TAFA1: variants seen among roughly 807,000 people sequenced by gnomAD.
TAFA1 encodes the protein chemokine-like protein TAFA-1.
A neutral mutation model predicts 18.5 loss-of-function variants in TAFA1; 4 were observed. The observed-to-expected ratio is 0.22, with a 90% confidence interval of 0.11 to 0.49. The LOEUF (loss-of-function observed/expected upper bound fraction) is 0.49, where lower values mean the gene tolerates loss of function less well. TAFA1 is among the 20% of genes least tolerant of loss of function. TAFA1 has a pLI of 0.98. For synonymous variants in TAFA1, 56 were observed against 55.2 expected (o/e 1.01, Z -0.06); for missense variants, 147 against 169.0 (o/e 0.87, Z 0.72).
chr3:68,269,271 G>T (rs891456395), intron 2 of TAFA1, among the ~76,000 whole-genome samples: 1 of 150,480 alleles, frequency 6.6e-6, no homozygotes, highest in Non-Finnish European at 1.5e-5. Flanking sequence ...CTGAGCGACA[G>T]AGTGAGACCC....
At chr3:68,379,023 C>T (rs1479937168) in intron 2 of TAFA1, among the ~76,000 whole-genome samples, 1 of 152,128 alleles carries the variant, frequency 6.6e-6, no homozygotes, top group Non-Finnish European at 1.5e-5. Flanking sequence ...GAATAATACA[C>T]CCAGTAAAGA....
chr3:68,539,768 T>C (rs1027323302), intron 4 of TAFA1, among the ~76,000 whole-genome samples: 2 of 146,838 alleles, frequency 1.4e-5, no homozygotes, highest in African/African-American at 2.5e-5. Context: ...TTACAGGAAT[T>C]TTTCTTGAGA....
At chr3:68,066,462 TG>T (rs2064679339) in intron 2 of TAFA1, among the ~76,000 whole-genome samples, 1 of 152,232 alleles carries the variant, frequency 6.6e-6, no homozygotes, top group African/African-American at 2.4e-5. Context: ...TGCTTTTAAA[TG>T]TGTGTCTGTC....
intron 3 of TAFA1, among the ~76,000 whole-genome samples, chr3:68,518,895 T>G (rs1465423888): frequency 6.6e-6 from 1 of 152,224 alleles, no homozygotes; most frequent in African/African-American, 2.4e-5. Flanking sequence ...TTTTTATTTG[T>G]CCATAAAGCC....
At chr3:68,522,186 GA>G (rs1293376751) in intron 3 of TAFA1, among the ~76,000 whole-genome samples, 1 of 152,068 alleles carries the variant, frequency 6.6e-6, no homozygotes, top group African/African-American at 2.4e-5. Context: ...AGAATATCCT[GA>G]GATTTTAGCT....
intron 2 of TAFA1, among the ~76,000 whole-genome samples, chr3:68,009,106 G>A (rs1575571277): frequency 6.6e-6 from 1 of 152,234 alleles, no homozygotes; most frequent in Non-Finnish European, 1.5e-5. Flanking sequence ...AATCCACATA[G>A]CCAAGGCAAC....
At chr3:68,248,753 G>C (rs2067134734) in intron 2 of TAFA1, among the ~76,000 whole-genome samples, 2 of 139,800 alleles carry the variant, frequency 1.4e-5, no homozygotes, top group Non-Finnish European at 3.1e-5. Context: ...CGGGGGCTGG[G>C]GGTGGGGTAG....
chr3:68,181,323 G>T (rs1472693571), intron 2 of TAFA1, among the ~76,000 whole-genome samples: 1 of 148,654 alleles, frequency 6.7e-6, no homozygotes, highest in African/African-American at 2.5e-5. Flanking sequence ...TTATGCAACA[G>T]TAGGTAAATA....
At chr3:68,288,650 AC>A (rs2068058365) in intron 2 of TAFA1, among the ~76,000 whole-genome samples, 1 of 152,158 alleles carries the variant, frequency 6.6e-6, no homozygotes, top group African/African-American at 2.4e-5. Flanking sequence ...TAAATATCAT[AC>A]TTAAAATATT....
At chr3:68,389,785 G>A (rs999709746) in intron 2 of TAFA1, among the ~76,000 whole-genome samples, 3 of 152,106 alleles carry the variant, frequency 2.0e-5, no homozygotes. Flanking sequence ...CCCTAGCCGA[G>A]GGAAGCAATG....
chr3:68,210,412 C>T (rs1044700342), intron 2 of TAFA1, among the ~76,000 whole-genome samples: 3 of 151,994 alleles, frequency 2.0e-5, no homozygotes, highest in African/African-American at 2.4e-5. Context: ...GCTAGCTGCT[C>T]ATCCATTAGG....
At chr3:68,008,121 A>C (rs368088574) in intron 2 of TAFA1, among the ~76,000 whole-genome samples, 132 of 152,326 alleles carry the variant, frequency 8.7e-4, no homozygotes, top group African/African-American at 2.9e-3. Context: ...CTGACAGGGA[A>C]GGCGAGGGGG....
chr3:68,505,412 T>C (rs1270366496), intron 3 of TAFA1, among the ~76,000 whole-genome samples: 2 of 152,172 alleles, frequency 1.3e-5, no homozygotes, highest in Non-Finnish European at 2.9e-5. Flanking sequence ...TGTTACTTTG[T>C]ATTACTTTTC....
rs2064741507 is a variant in TAFA1, at chr3:68,070,560, A to G, written c.118+63816A>G. On this transcript the variant is annotated intron_variant, in intron 2 of 4. Coordinates refer to ENST00000478136, the MANE Select transcript of TAFA1 (RefSeq NM_213609.4). ...GGGGATTAACATTTGGCTCCTAGTT[A>G]CTTATGTAAATTTCTGCAGCCAGCT... 3.9e-5 allele frequency among the ~76,000 whole-genome samples: 6 copies of G among 152,324 alleles called. No homozygotes were observed. The South Asian group carries it at 1.2e-3, about 32-fold the overall frequency.
chr3:68,426,714 AAAG>A (rs2071061858), intron 3 of TAFA1, among the ~76,000 whole-genome samples: 1 of 151,924 alleles, frequency 6.6e-6, no homozygotes, highest in Non-Finnish European at 1.5e-5. Flanking sequence ...GTTCACCAAC[AAAG>A]AAGATGATAA....
intron 3 of TAFA1, among the ~76,000 whole-genome samples, chr3:68,452,852 T>C (rs2071589186): frequency 1.3e-5 from 2 of 152,214 alleles, no homozygotes; most frequent in South Asian, 4.1e-4. Context: ...ATTTAAGGCA[T>C]TTTTACTGAA....
intron 3 of TAFA1, among the ~76,000 whole-genome samples, chr3:68,486,420 C>T (rs749944580): frequency 3.9e-5 from 6 of 152,148 alleles, no homozygotes; most frequent in African/African-American, 9.7e-5. Flanking sequence ...GGACCTTGGT[C>T]GTTCCCATTT....
chr3:68,093,767 G>GT (rs35262232), intron 2 of TAFA1, among the ~76,000 whole-genome samples: 74,584 of 151,726 alleles, frequency 0.49, 18,950 homozygotes, highest in South Asian at 0.64. Context: ...GGCTACCAAA[G>GT]TTGGATAAAG....
At chr3:68,363,652 CT>C (rs1396241885) in intron 2 of TAFA1, among the ~76,000 whole-genome samples, 1 of 152,086 alleles carries the variant, frequency 6.6e-6, no homozygotes, top group African/African-American at 2.4e-5. Flanking sequence ...ATAAGAAAAA[CT>C]TTTGCAATTT....
Sources: allele counts gnomAD v4.1 joint callset (sites outside exome capture counted in the v4.1 genomes callset), GRCh38; gene constraint gnomAD v4.1.1; transcripts MANE v1.5; gene names NCBI Gene and HGNC (gene_info 2026-07-23, HGNC 2026-07-21).